Variants in RAPGEF6 observed in about 807,000 individuals in gnomAD.
RAPGEF6 encodes the protein Rap guanine nucleotide exchange factor 6.
A neutral mutation model predicts 171.4 loss-of-function variants in RAPGEF6; 56 were observed. The observed-to-expected ratio is 0.33, with a 90% CI of 0.26 to 0.41. The LOEUF (loss-of-function observed/expected upper bound fraction) is 0.41. Ranked by LOEUF, RAPGEF6 falls within the 10% of genes least tolerant of loss-of-function variation. The probability of loss-of-function intolerance (pLI) is 1.00; values close to 1 mark genes in which losing one functional copy is unlikely to be tolerated. For missense variants in RAPGEF6, 1,674 were observed against 1,921.4 expected (o/e 0.87, Z 2.41); for synonymous variants, 692 against 650.1 (o/e 1.06, Z -0.98).
At chr5:131,601,429 T>TTA in intron 3 of RAPGEF6, among the ~76,000 whole-genome samples, 1 of 144,916 alleles carries the variant, frequency 6.9e-6, no homozygotes, top group East Asian at 2.0e-4. Flanking sequence ...TGGAAATAGA[T>TTA]AATAGACTAG....
At chr5:131,459,038 A>G (rs550585743) in intron 19 of RAPGEF6, among the ~76,000 whole-genome samples, 1 of 152,326 alleles carries the variant, frequency 6.6e-6, no homozygotes, top group South Asian at 2.1e-4. Flanking sequence ...AGCCAAAGAA[A>G]AGTATGAAGA....
chr5:131,469,380 A>G (rs371109063), intron 17 of RAPGEF6, among the ~76,000 whole-genome samples: 9 of 152,142 alleles, frequency 5.9e-5, no homozygotes, highest in East Asian at 5.8e-4. Context: ...AAAATTTTCA[A>G]TGAAGAAAAA....
At chr5:131,479,104 C>T (rs1755295520) in intron 16 of RAPGEF6, among the ~76,000 whole-genome samples, 1 of 150,906 alleles carries the variant, frequency 6.6e-6, no homozygotes, top group Non-Finnish European at 1.5e-5. Context: ...AGAAATAGGT[C>T]TGATTAAAAA....
Position 131,492,631 on chromosome 5 carries a change from A to C in RAPGEF6, c.1682T>G (p.Val561Gly). ...EKGFGIFVEG[V>G]EPGSKAADSG... ...ATCAGCAGCTTTGCTACCAGGTTCT[A>C]CTCCTTCAACAAAAATACCAAATCC... Residue 561 changes from valine to glycine, a missense_variant, in exon 14 of 28, where the codon GTA (valine) becomes GGA (glycine). Transcript: ENST00000509018. 1 of 1,613,990 alleles carries C rather than the reference A, an allele frequency of 6.2e-7. No homozygotes were observed. The highest frequency in any genetic ancestry group is 8.5e-7 in the Non-Finnish European group (1 of 1,179,986).
At chr5:131,600,087 CT>C (rs1241476901) in intron 3 of RAPGEF6, among the ~76,000 whole-genome samples, 5 of 152,144 alleles carry the variant, frequency 3.3e-5, no homozygotes, top group African/African-American at 1.2e-4. Flanking sequence ...ATGAAGATTT[CT>C]TTCATTCAAA....
intron 11 of RAPGEF6, among the ~76,000 whole-genome samples, chr5:131,499,945 C>G (rs1204640561): frequency 6.6e-6 from 1 of 152,222 alleles, no homozygotes; most frequent in East Asian, 1.9e-4. Context: ...GTCGCCCAGG[C>G]TGGAGTGCCG....
At chr5:131,550,088 C>T (rs968950488) in intron 5 of RAPGEF6, among the ~76,000 whole-genome samples, 1 of 152,164 alleles carries the variant, frequency 6.6e-6, no homozygotes, top group Non-Finnish European at 1.5e-5. Flanking sequence ...CTCAGATTGT[C>T]AGTTCTCTAT....
Position 131,472,687 on chromosome 5 carries a change from C to T in RAPGEF6, c.2139G>A (p.Arg713=). ...DDSIVGTRHC[R]HSLAIMPIPG... is the part of the protein sequence containing the mutation. ...GGATGGGCATTATAGCCAGACTATG[C>T]CTACAGTGCCTTGTTCCCACAATGC... Residue 713 remains arginine, a synonymous_variant, in exon 17 of 28, where the codon AGG becomes AGA. Transcript: ENST00000509018. The T allele has an allele frequency of 6.2e-7, 1 of 1,612,572 alleles. No homozygotes were observed. Among genetic ancestry groups the T allele is most frequent in the Non-Finnish European group, 8.5e-7 (1 of 1,178,576 alleles).
chr5:131,570,041 C>CAAAA (rs34729268), intron 4 of RAPGEF6, among the ~76,000 whole-genome samples: 8 of 27,488 alleles, frequency 2.9e-4, no homozygotes, highest in East Asian at 2.2e-3. Flanking sequence ...GACTCTGTCT[C>CAAAA]AAAAAAAAAA....
intron 4 of RAPGEF6, 123 bp downstream of exon 4, chr5:131,592,260 T>C: frequency 6.9e-7 from 1 of 1,443,478 alleles, no homozygotes; most frequent in South Asian, 1.4e-5. Flanking sequence ...CTGCCAAGTA[T>C]TTCCAATGGT....
At chr5:131,435,503 C>G (rs578121536) in intron 24 of RAPGEF6, among the ~76,000 whole-genome samples, 1 of 152,236 alleles carries the variant, frequency 6.6e-6, no homozygotes, top group African/African-American at 2.4e-5. Context: ...TATAATAATA[C>G]TAAGAACCAC....
intron 4 of RAPGEF6, among the ~76,000 whole-genome samples, chr5:131,590,133 G>A: frequency 6.6e-6 from 1 of 152,140 alleles, no homozygotes; most frequent in Non-Finnish European, 1.5e-5. Context: ...AGGTACAGTG[G>A]CTCATGTCTG....
intron 1 of RAPGEF6, among the ~76,000 whole-genome samples, chr5:131,629,228 C>A (rs1478689951): frequency 6.6e-6 from 1 of 152,020 alleles, no homozygotes; most frequent in Non-Finnish European, 1.5e-5. Flanking sequence ...GCCTGTAATC[C>A]CAACACTTTG....
intron 21 of RAPGEF6, among the ~76,000 whole-genome samples, chr5:131,451,921 C>T (rs1054766214): frequency 6.6e-6 from 1 of 152,096 alleles, no homozygotes; most frequent in East Asian, 1.9e-4. Flanking sequence ...CTTATTTACA[C>T]CCTGAAAATT....
In RAPGEF6 at chr5:131,629,615, G is replaced by A. The variant is rs150483963; in HGVS notation, c.69+5347C>T. Among the ~76,000 whole-genome samples, 220 of 150,508 alleles carry A rather than the reference G, an allele frequency of 1.5e-3. 1 individual carries two copies. Among genetic ancestry groups the A allele is most frequent in the Middle Eastern group, 3.5e-3 (1 of 284 alleles). On this transcript the variant is annotated intron_variant, in intron 1 of 27. Coordinates refer to ENST00000509018, the MANE Select transcript of RAPGEF6 (RefSeq NM_016340.6). The stretch of plus-strand genomic sequence containing the variant: ...CAAAAAAAAAAAAAAAATCAGCCAC[G>A]CATGATGGCATGCACCTGTAGTACC...
At chr5:131,444,168 A>C (rs766612601) in intron 22 of RAPGEF6, among the ~76,000 whole-genome samples, 1 of 152,220 alleles carries the variant, frequency 6.6e-6, no homozygotes, top group African/African-American at 2.4e-5. Context: ...CACAGCTATA[A>C]TAGCTATTAT....
chr5:131,439,930 C>T, intron 23 of RAPGEF6: 2 of 797,846 alleles, frequency 2.5e-6, no homozygotes, highest in Non-Finnish European at 3.8e-6. Context: ...TCAGCATGGA[C>T]CAGATTATAT....
intron 1 of RAPGEF6, among the ~76,000 whole-genome samples, chr5:131,633,868 C>T (rs1006608497): frequency 2.0e-5 from 3 of 152,164 alleles, no homozygotes; most frequent in South Asian, 4.1e-4. Context: ...CTCACATTGA[C>T]TTCAAGAATC....
At chr5:131,509,379 TA>T (rs1757573016) in intron 8 of RAPGEF6, among the ~76,000 whole-genome samples, 1 of 151,924 alleles carries the variant, frequency 6.6e-6, no homozygotes, top group Non-Finnish European at 1.5e-5. Flanking sequence ...CCATTGCTAC[TA>T]AAAATACAAA....
Sources: allele counts gnomAD v4.1 joint callset (sites outside exome capture counted in the v4.1 genomes callset), GRCh38; gene constraint gnomAD v4.1.1; transcripts MANE v1.5; gene names NCBI Gene and HGNC (gene_info 2026-07-23, HGNC 2026-07-21).